Variants in SMPD3 observed in about 807,000 individuals in gnomAD.
The protein encoded by SMPD3 is nSMase-2.
SMPD3 carries 21 observed loss-of-function variants against 55.7 expected under a neutral mutation model. The observed-to-expected ratio is 0.38, with a 90% CI of 0.27 to 0.54. The LOEUF is 0.54. Ranked by LOEUF, SMPD3 falls within the 20% of genes least tolerant of loss-of-function variation. SMPD3 has a pLI of 0.80. For missense variants in SMPD3, 842 were observed against 899.6 expected (o/e 0.94, Z 0.82); for synonymous variants, 457 against 404.3 (o/e 1.13, Z -1.56).
At chr16:68,427,756 G>T (rs887276222) in intron 1 of SMPD3, among the ~76,000 whole-genome samples, 1 of 151,798 alleles carries the variant, frequency 6.6e-6, no homozygotes, top group African/African-American at 2.4e-5. Context: ...AATGACTGGG[G>T]GGGGGTGCTG....
chr16:68,363,403 C>A, intron 7 of SMPD3, 93 bp downstream of exon 7: 5 of 1,415,124 alleles, frequency 3.5e-6, no homozygotes, highest in Non-Finnish European at 4.0e-6. Context: ...CTCATGAGCC[C>A]GAGCTGAGCT....
chr16:68,400,553 T>C (rs369543555), intron 1 of SMPD3, among the ~76,000 whole-genome samples: 4 of 152,334 alleles, frequency 2.6e-5, no homozygotes, highest in African/African-American at 4.8e-5. Flanking sequence ...CAGACAAGAA[T>C]CCTCAACTTG....
At chr16:68,400,777 A>G (rs954674727) in intron 1 of SMPD3, among the ~76,000 whole-genome samples, 1 of 152,058 alleles carries the variant, frequency 6.6e-6, no homozygotes, top group Non-Finnish European at 1.5e-5. Context: ...TCAAAACCAA[A>G]CCTGAGCAAT....
In SMPD3 at chr16:68,425,605, T is replaced by C. The variant is rs1313818141; in HGVS notation, c.-269+22748A>G. ...TGGGCAGAAACCAAGGAGGCTGTGA[T>C]GACAGGGGCAGGGAGGTGGCAGCGC... On this transcript the variant is annotated intron_variant, in intron 1 of 8. Transcript: ENST00000219334. 2.6e-5 allele frequency among the ~76,000 whole-genome samples: 4 copies of C among 152,116 alleles called. No homozygotes were observed. The East Asian group carries it at 5.8e-4, about 22-fold the overall frequency.
chr16:68,424,820 C>T (rs1260148397), intron 1 of SMPD3, among the ~76,000 whole-genome samples: 1 of 152,172 alleles, frequency 6.6e-6, no homozygotes, highest in African/African-American at 2.4e-5. Context: ...AAGTGATCCT[C>T]CCACCTTAGC....
intron 1 of SMPD3, among the ~76,000 whole-genome samples, chr16:68,431,080 C>T (rs2090476124): frequency 6.6e-6 from 1 of 152,134 alleles, no homozygotes; most frequent in Non-Finnish European, 1.5e-5. Context: ...GGCAGGGCAC[C>T]ATACCAGTGG....
intron 1 of SMPD3, among the ~76,000 whole-genome samples, chr16:68,415,922 A>G (rs1298017045): frequency 6.6e-6 from 1 of 152,072 alleles, no homozygotes; most frequent in Non-Finnish European, 1.5e-5. Context: ...CTTTACAAAC[A>G]GCTTTGCCCC....
chr16:68,437,087 A>C (rs1454697736), intron 1 of SMPD3, among the ~76,000 whole-genome samples: 1 of 152,228 alleles, frequency 6.6e-6, no homozygotes, highest in Non-Finnish European at 1.5e-5. Context: ...TCTACACTGC[A>C]TCTCTTGTTC....
chr16:68,366,001 C>A (rs543929429), intron 3 of SMPD3, among the ~76,000 whole-genome samples: 1 of 152,332 alleles, frequency 6.6e-6, no homozygotes, highest in African/African-American at 2.4e-5. Context: ...CTCCTCATCC[C>A]CTGCCCCTGG....
chr16:68,383,286 G>T (rs966771839), intron 2 of SMPD3, among the ~76,000 whole-genome samples: 48 of 152,332 alleles, frequency 3.2e-4, no homozygotes, highest in African/African-American at 1.1e-3. Context: ...CCCTCTGGCT[G>T]GTTGGGGGTC....
intron 1 of SMPD3, among the ~76,000 whole-genome samples, chr16:68,414,444 T>C (rs2090324054): frequency 6.6e-6 from 1 of 152,234 alleles, no homozygotes; most frequent in Non-Finnish European, 1.5e-5. Context: ...CAGCCTGGTC[T>C]CTCCCACACT....
intron 1 of SMPD3, among the ~76,000 whole-genome samples, chr16:68,428,990 A>G (rs1381002872): frequency 6.6e-6 from 1 of 152,234 alleles, no homozygotes; most frequent in African/African-American, 2.4e-5. Flanking sequence ...TCAGTGATGT[A>G]ACTATATCTG....
At chr16:68,374,100 A>G (rs1033646985) in intron 2 of SMPD3, among the ~76,000 whole-genome samples, 1 of 152,228 alleles carries the variant, frequency 6.6e-6, no homozygotes, top group African/African-American at 2.4e-5. Flanking sequence ...AAGCTTCAGG[A>G]AAGAATAGGC....
At chr16:68,380,190 T>C (rs1442808569) in intron 2 of SMPD3, among the ~76,000 whole-genome samples, 2 of 152,234 alleles carry the variant, frequency 1.3e-5, no homozygotes, top group African/African-American at 4.8e-5. Context: ...CAGCACCTCC[T>C]CTCATTCCTG....
intron 1 of SMPD3, among the ~76,000 whole-genome samples, chr16:68,411,644 G>T (rs539248285): frequency 6.6e-6 from 1 of 152,348 alleles, no homozygotes; most frequent in Non-Finnish European, 1.5e-5. Flanking sequence ...ACACCCAGCA[G>T]TGGGGGAACA....
At chr16:68,408,406 G>T (rs1311632120) in intron 1 of SMPD3, among the ~76,000 whole-genome samples, 1 of 152,152 alleles carries the variant, frequency 6.6e-6, no homozygotes, top group African/African-American at 2.4e-5. Flanking sequence ...AATTATTTGT[G>T]AATTTATACA....
In SMPD3 at chr16:68,360,365, ACT is replaced by A. The variant is rs1213142878; in HGVS notation, c.*839_*840del. 2.0e-5 allele frequency: 3 copies of A among 149,904 alleles called. No individual in the cohort carries two copies. Among genetic ancestry groups the A allele is most frequent in the East Asian group, 3.9e-4 (2 of 5,188 alleles). The allele number at this position is 149,904 out of a possible 1,614,324, so 9.3% of individuals were successfully genotyped here. Reference sequence around the variant, plus strand: ...TCTTCCTGTAAAAAAAAAAGTGGATACTCTCTTCTCGGATCCCCGTTTATGGC... The same window carrying A: ...TCTTCCTGTAAAAAAAAAAGTGGATACTCTTCTCGGATCCCCGTTTATGGC... On this transcript the variant is annotated 3_prime_UTR_variant, in exon 9 of 9. Transcript: ENST00000219334.
chr16:68,381,525 G>A (rs928497748), intron 2 of SMPD3, among the ~76,000 whole-genome samples: 8 of 152,182 alleles, frequency 5.3e-5, no homozygotes, highest in African/African-American at 1.4e-4. Flanking sequence ...GTCCTCTGGC[G>A]GTTGGGTGGG....
intron 5 of SMPD3, 50 bp downstream of exon 5, chr16:68,364,701 C>A (rs2151974479): frequency 6.4e-7 from 1 of 1,572,744 alleles, no homozygotes; most frequent in East Asian, 2.3e-5. Context: ...TGACTGAGCC[C>A]ACAGCCTCCC....
Sources: allele counts gnomAD v4.1 joint callset (sites outside exome capture counted in the v4.1 genomes callset), GRCh38; gene constraint gnomAD v4.1.1; transcripts MANE v1.5; gene names NCBI Gene and HGNC (gene_info 2026-07-23, HGNC 2026-07-21).